The following DDR2 variants were observed in gnomAD, a reference collection of about 807,000 sequenced individuals.
DDR2 encodes the protein discoidin domain-containing receptor 2.
Under a neutral mutation model 94.9 loss-of-function variants are expected in DDR2, and 27 were observed. That is an observed-to-expected ratio of 0.28 (90% confidence interval 0.21 to 0.39). The LOEUF (loss-of-function observed/expected upper bound fraction) is 0.39. Ranked by LOEUF, DDR2 falls within the 10% of genes least tolerant of loss-of-function variation. The pLI, the probability that DDR2 is intolerant of heterozygous loss-of-function variation, is 1.00. For synonymous variants in DDR2, 382 were observed against 377.2 expected (o/e 1.01, Z -0.15); for missense variants, 783 against 1,076.0 (o/e 0.73, Z 3.81).
Position 162,719,090 on chromosome 1 carries a change from G to C in DDR2, c.27G>C (p.Leu9Phe). Residue 9 changes from leucine (L) to phenylalanine (F), a missense_variant, in exon 3 of 18, where the codon TTG becomes TTC. Around this residue, in one of 2 missense-constraint regions of DDR2, gnomAD observed 519 missense variants for 647.9 expected, o/e 0.80. Transcript: ENST00000367921. ...TGATCCTGATTCCCAGAATGCTCTTGGTGCTGTTCCTGCTGCTGCCTATCT... is the reference window on the plus strand; with the variant it reads ...TGATCCTGATTCCCAGAATGCTCTTCGTGCTGTTCCTGCTGCTGCCTATCT... MILIPRML[L>F]VLFLLLPILS... is the part of the protein sequence containing the mutation. 6.2e-7 allele frequency: 1 copy of C among 1,613,864 alleles called. No individual in the cohort carries two copies. The highest frequency in any genetic ancestry group is 8.5e-7 in the Non-Finnish European group (1 of 1,179,812).
At chr1:162,715,152 G>A (rs1011277241) in intron 2 of DDR2, among the ~76,000 whole-genome samples, 1 of 152,132 alleles carries the variant, frequency 6.6e-6, no homozygotes. Context: ...TGTAGTCACT[G>A]AATATATGGC....
chr1:162,639,366 G>A (rs1007594794), intron 1 of DDR2, among the ~76,000 whole-genome samples: 8 of 152,172 alleles, frequency 5.3e-5, no homozygotes, highest in Non-Finnish European at 1.0e-4. Context: ...TGACAAAGGA[G>A]CAAAGGCAAT....
Position 162,776,328 on chromosome 1 carries a change from A to G in DDR2, c.2241A>G (p.Ala747=), listed in dbSNP as rs1647551506. The part of the protein sequence containing the change: ...SGDYYRIQGR[A]VLPIRWMSWE... The stretch of plus-strand genomic sequence containing the variant: ...ACTATTACCGGATCCAGGGCCGGGC[A>G]GTGCTCCCTATCCGCTGGATGTCTT... Residue 747 remains alanine, a synonymous_variant, in exon 16 of 18, where the codon GCA becomes GCG. Coordinates refer to ENST00000367921, the MANE Select transcript of DDR2 (RefSeq NM_006182.4). 3.7e-6 allele frequency: 6 copies of G among 1,614,078 alleles called. No homozygotes were observed. Among genetic ancestry groups the G allele is most frequent in the Non-Finnish European group, 5.1e-6 (6 of 1,179,970 alleles).
chr1:162,728,883 A>T (rs1052309774), intron 3 of DDR2, among the ~76,000 whole-genome samples: 3 of 151,990 alleles, frequency 2.0e-5, no homozygotes, highest in Admixed American at 2.0e-4. Flanking sequence ...TAGCTTTGTG[A>T]CTTTAGGTAA....
At chr1:162,763,336 CTTTTTT>C (rs56323242) in intron 9 of DDR2, among the ~76,000 whole-genome samples, 2 of 56,542 alleles carry the variant, frequency 3.5e-5, no homozygotes, top group South Asian at 9.1e-4. Flanking sequence ...CCACGCCCGG[CTTTTTT>C]TTTTTTTTTT....
chr1:162,682,875 T>A (rs1317941511), intron 2 of DDR2, among the ~76,000 whole-genome samples: 4 of 152,164 alleles, frequency 2.6e-5, no homozygotes, highest in Non-Finnish European at 5.9e-5. Flanking sequence ...AAGAAGCCCC[T>A]TTGAATATAA....
intron 1 of DDR2, among the ~76,000 whole-genome samples, chr1:162,643,908 T>G (rs1049912242): frequency 2.6e-5 from 4 of 152,090 alleles, no homozygotes; most frequent in Admixed American, 6.6e-5. Flanking sequence ...AGTTCTTGGG[T>G]AGTTAAATTG....
At position 162,780,432 on chromosome 1, in the gene DDR2, T is replaced by TAC; in HGVS notation, c.*186_*187insAC. On this transcript the variant is annotated 3_prime_UTR_variant, in exon 18 of 18. Coordinates refer to ENST00000367921, the MANE Select transcript of DDR2 (RefSeq NM_006182.4). ...TGACTCATATACACTTTTTTTTTTTTTTACATTAAAGAACTAAAAAAGGAA... is the reference window on the plus strand; with the variant it reads ...TGACTCATATACACTTTTTTTTTTTTACTTACATTAAAGAACTAAAAAAGGAA... 2 of 750,394 alleles carry TAC rather than the reference T, an allele frequency of 2.7e-6. No homozygotes were observed. Among genetic ancestry groups the TAC allele is most frequent in the Non-Finnish European group, 4.1e-6 (2 of 488,552 alleles). 46.5% of individuals were successfully genotyped at this position (750,394 alleles called of 1,614,324 possible). A position where few individuals can be genotyped will look rare whatever the true frequency, so the allele number is the denominator to read the frequency against.
At position 162,761,291 on chromosome 1, in the gene DDR2, G is replaced by A. The variant is rs931762896; in HGVS notation, c.936G>A (p.Glu312=). 13 of 1,614,078 alleles carry A rather than the reference G, an allele frequency of 8.1e-6. No homozygotes were observed. The highest frequency in any genetic ancestry group is 1.6e-4 in the Middle Eastern group (1 of 6,084). Residue 312 remains glutamate, a synonymous_variant, in exon 9 of 18, where the codon GAG becomes GAA. Transcript: ENST00000367921. The stretch of plus-strand genomic sequence containing the variant: ...GCTACTTCCGCTCTGAAGCCAGTGA[G>A]TGGGAACCTAATGCCATTTCCTTCC... ...VQCYFRSEAS[E]WEPNAISFPL...
chr1:162,685,228 G>T (rs1382200758), intron 2 of DDR2, among the ~76,000 whole-genome samples: 1 of 152,064 alleles, frequency 6.6e-6, no homozygotes, highest in African/African-American at 2.4e-5. Flanking sequence ...TTTATACTAA[G>T]CTTTTATGCA....
chr1:162,761,158 C>T (rs2102154719), intron 8 of DDR2, 53 bp from the exon 9 acceptor site: 1 of 1,612,258 alleles, frequency 6.2e-7, no homozygotes, highest in East Asian at 2.2e-5. Flanking sequence ...CACTGTGTCT[C>T]CATGCACCTT....
At position 162,704,909 on chromosome 1, in the gene DDR2, T is replaced by G. The variant is rs530565356; in HGVS notation, c.-27-14128T>G. 2.6e-5 allele frequency: 4 copies of G among 152,358 alleles called. No individual in the cohort carries two copies. In the South Asian group the frequency reaches 8.3e-4, roughly 32 times the overall value. 9.4% of individuals were successfully genotyped at this position (152,358 alleles called of 1,614,324 possible). On this transcript the variant is annotated intron_variant, in intron 2 of 17. Transcript: ENST00000367921. ...AGCTCTTGCTTCAAGGGGTTTTCCA[T>G]GCGGGGCCTGCCAGAATCCCCTGAA...
rs977219601 is a variant in DDR2, at chr1:162,781,090, T to C, written c.*844T>C. On this transcript the variant is annotated 3_prime_UTR_variant, in exon 18 of 18. Transcript: ENST00000367921. The stretch of plus-strand genomic sequence containing the variant: ...TTGTGATTTTGTAAGAGGGTTCTCT[T>C]CTTTGTCTTGTTCAGATATTTTCAT... 5 of 152,216 alleles carry C rather than the reference T, an allele frequency of 3.3e-5. No individual in the cohort carries two copies. 9.4% of individuals were successfully genotyped at this position (152,216 alleles called of 1,614,324 possible).
At chr1:162,661,515 G>A (rs1658294577) in intron 2 of DDR2, among the ~76,000 whole-genome samples, 1 of 152,134 alleles carries the variant, frequency 6.6e-6, no homozygotes, top group African/African-American at 2.4e-5. Context: ...TTTGAATTGT[G>A]AAATGATGGC....
chr1:162,758,604 C>G (rs961527736), intron 7 of DDR2, among the ~76,000 whole-genome samples: 3 of 152,126 alleles, frequency 2.0e-5, no homozygotes, highest in African/African-American at 7.2e-5. Flanking sequence ...AAAAAGATGG[C>G]AAAACCTTGG....
At chr1:162,692,444 A>G (rs947845308) in intron 2 of DDR2, among the ~76,000 whole-genome samples, 5 of 151,034 alleles carry the variant, frequency 3.3e-5, no homozygotes, top group African/African-American at 5.0e-5. Context: ...TATTCAGGAC[A>G]TGTAAGGACC....
chr1:162,663,796 G>A (rs1213156846), intron 2 of DDR2, among the ~76,000 whole-genome samples: 2 of 152,118 alleles, frequency 1.3e-5, no homozygotes, highest in Non-Finnish European at 2.9e-5. Context: ...TGTGGCTTCG[G>A]AACAAAAGCC....
At chr1:162,697,044 G>C (rs1660226908) in intron 2 of DDR2, among the ~76,000 whole-genome samples, 2 of 152,024 alleles carry the variant, frequency 1.3e-5, no homozygotes, top group South Asian at 2.1e-4. Context: ...TTCTGCGTAG[G>C]GGGTGGGAGT....
chr1:162,750,023 G>T (rs547369506), intron 3 of DDR2, among the ~76,000 whole-genome samples: 1 of 151,866 alleles, frequency 6.6e-6, no homozygotes, highest in African/African-American at 2.4e-5. Context: ...TATGACAAAC[G>T]CACAGCCAAT....
Sources: allele counts gnomAD v4.1 joint callset (sites outside exome capture counted in the v4.1 genomes callset), GRCh38; gene constraint gnomAD v4.1.1; regional missense constraint gnomAD v4.1.1; transcripts MANE v1.5; gene names NCBI Gene and HGNC (gene_info 2026-07-23, HGNC 2026-07-21).